The following NXNL2 variants were observed in gnomAD, a reference collection of about 807,000 sequenced individuals.
NXNL2 encodes the protein nucleoredoxin like 2.
NXNL2 carries 7 observed loss-of-function variants against 11.1 expected under a neutral mutation model. The observed-to-expected ratio is 0.63, with a 90% CI of 0.36 to 1.18. The LOEUF is 1.18. NXNL2 is among the 50% of genes most tolerant of loss of function. The pLI, the probability that NXNL2 is intolerant of heterozygous loss-of-function variation, is 0.02. For synonymous variants in NXNL2, 109 were observed against 101.8 expected, an observed-to-expected ratio of 1.07 and a Z score of -0.42; for missense variants, 233 against 217.7, an observed-to-expected ratio of 1.07 and a Z score of -0.44.
At chr9:88,557,675 G>C (rs1830035800) in intron 1 of NXNL2, among the ~76,000 whole-genome samples, 1 of 152,170 alleles carries the variant, frequency 6.6e-6, no homozygotes, top group Non-Finnish European at 1.5e-5. Flanking sequence ...TGGCAACCTT[G>C]GTTTACAATT....
chr9:88,541,228 C>T (rs529759089), intron 1 of NXNL2, among the ~76,000 whole-genome samples: 1 of 149,258 alleles, frequency 6.7e-6, no homozygotes, highest in Non-Finnish European at 1.5e-5. Flanking sequence ...TTTTGATATT[C>T]TTCTGCATTC....
At chr9:88,584,034 C>T (rs1587860292) in exon 2 of NXNL2, 1 of 152,368 alleles carries the variant, frequency 6.6e-6, no homozygotes, top group East Asian at 1.9e-4. Flanking sequence ...GCCACCTTCT[C>T]TCCATGCCTG....
chr9:88,549,021 C>T (rs1829890475), downstream of NXNL2, among the ~76,000 whole-genome samples: 1 of 152,196 alleles, frequency 6.6e-6, no homozygotes. Context: ...CTTGGACTTA[C>T]AGCCTCCAAA....
intron 1 of NXNL2, among the ~76,000 whole-genome samples, chr9:88,565,657 C>A (rs1330763609): frequency 2.0e-5 from 3 of 152,120 alleles, no homozygotes; most frequent in Admixed American, 2.0e-4. Flanking sequence ...CCTGTCTCAG[C>A]CTCCTGAGCA....
At chr9:88,583,476 C>A (rs1367213273) in intron 1 of NXNL2, among the ~76,000 whole-genome samples, 1 of 152,164 alleles carries the variant, frequency 6.6e-6, no homozygotes, top group African/African-American at 2.4e-5. Flanking sequence ...CATCACCCCG[C>A]TGGTCTCTGG....
intron 1 of NXNL2, among the ~76,000 whole-genome samples, chr9:88,555,705 C>T (rs1463254310): frequency 4.6e-5 from 7 of 152,200 alleles, no homozygotes; most frequent in South Asian, 2.1e-4. Context: ...AACCTCTGTC[C>T]GGTGGTGCCT....
intron 1 of NXNL2, among the ~76,000 whole-genome samples, chr9:88,538,786 A>C (rs1829686279): frequency 6.6e-6 from 1 of 152,214 alleles, no homozygotes; most frequent in African/African-American, 2.4e-5. Context: ...GCATTTATCA[A>C]GTACTTATTA....
At chr9:88,561,124 G>T (rs1475315776) in intron 1 of NXNL2, among the ~76,000 whole-genome samples, 1 of 152,132 alleles carries the variant, frequency 6.6e-6, no homozygotes, top group African/African-American at 2.4e-5. Flanking sequence ...TTGAGTCAGT[G>T]GGCTAGGGAA....
chr9:88,549,458 C>T (rs1829896995), downstream of NXNL2, among the ~76,000 whole-genome samples: 2 of 152,124 alleles, frequency 1.3e-5, no homozygotes, highest in Non-Finnish European at 2.9e-5. Flanking sequence ...CCTCCTGAGT[C>T]TGAAAAGCCT....
chr9:88,541,369 TCCTGC>T (rs1829757498), intron 1 of NXNL2, among the ~76,000 whole-genome samples: 1 of 152,106 alleles, frequency 6.6e-6, no homozygotes, highest in African/African-American at 2.4e-5. Flanking sequence ...CAAGCAATCC[TCCTGC>T]CTCAGCCTCC....
downstream of NXNL2, among the ~76,000 whole-genome samples, chr9:88,580,153 C>CT (rs756690090): frequency 2.8e-3 from 353 of 127,752 alleles, no homozygotes; most frequent in South Asian, 9.6e-3. Context: ...AAAAAAAATT[C>CT]TTTTTTTTTT....
rs529858122 is a variant in NXNL2, at chr9:88,535,850, C to A, written c.302+114C>A. 4.0e-4 allele frequency: 320 copies of A among 804,498 alleles called. 1 individual carries two copies. In the African/African-American group the frequency reaches 4.5e-3, roughly 11 times the overall value. 49.8% of individuals were successfully genotyped at this position (804,498 alleles called of 1,614,324 possible). Reference sequence around the variant, plus strand: ...TATGACGCCCCCCCCCAACACCTCCCCGTCTCTCGGTTCACGTCCGGACTC... The same window carrying A: ...TATGACGCCCCCCCCCAACACCTCCACGTCTCTCGGTTCACGTCCGGACTC... On this transcript the variant is annotated intron_variant, in intron 1 of 1. Transcript: ENST00000375854.
chr9:88,580,153 CTTT>C (rs756690090), downstream of NXNL2, among the ~76,000 whole-genome samples: 7 of 127,740 alleles, frequency 5.5e-5, no homozygotes, highest in Admixed American at 1.6e-4. Context: ...AAAAAAAATT[CTTT>C]TTTTTTTTTT....
chr9:88,541,296 C>T (rs1158423403), intron 1 of NXNL2, among the ~76,000 whole-genome samples: 1 of 151,466 alleles, frequency 6.6e-6, no homozygotes, highest in African/African-American at 2.4e-5. Flanking sequence ...GGTCTTGCAC[C>T]GTCATCCAGG....
Position 88,564,211 on chromosome 9 carries a change from GA to G in NXNL2, c.303-6864del, listed in dbSNP as rs1170933893. ...GGGGGACAAGAGCGAAACTCCATTT[GA>G]AAAAAAAAAAAGCCCTTCTCTGATG... On this transcript the variant is annotated intron_variant, in intron 1 of 2. Transcript: ENST00000375855. 5.9e-3 allele frequency among the ~76,000 whole-genome samples: 737 copies of G among 125,736 alleles called. 4 individuals are homozygous for G. Among genetic ancestry groups the G allele is most frequent in the Non-Finnish European group, 6.7e-3 (393 of 58,442 alleles). 82.5% of individuals were successfully genotyped at this position (125,736 alleles called of 152,430 possible).
At chr9:88,578,191 A>G (rs1041870684), downstream of NXNL2, among the ~76,000 whole-genome samples, 3 of 152,222 alleles carry the variant, frequency 2.0e-5, no homozygotes, top group Non-Finnish European at 4.4e-5. Flanking sequence ...CATCACAACC[A>G]AAATAACTGG....
intron 1 of NXNL2, among the ~76,000 whole-genome samples, chr9:88,536,997 A>G (rs1412913292): frequency 1.3e-5 from 2 of 152,258 alleles, no homozygotes; most frequent in Non-Finnish European, 2.9e-5. Flanking sequence ...TTTTGAAAGA[A>G]CGCAGGTTTG....
chr9:88,544,519 C>T lies in NXNL2; in HGVS notation c.443C>T (p.Ala148Val). The T allele has an allele frequency of 2.6e-6, 4 of 1,544,156 alleles. No homozygotes were observed. The highest frequency in any genetic ancestry group is 3.5e-6 in the Non-Finnish European group (4 of 1,143,148). Residue 148 changes from alanine (A) to valine (V), a missense_variant, in exon 2 of 2, where the codon GCC becomes GTC. Coordinates refer to ENST00000375854, the MANE Select transcript of NXNL2 (RefSeq NM_001161625.2). Reference sequence around the variant, plus strand: ...TGCTTCCAGGACTGGGTGGAGGCGGCCGATATCTTCCAGAATTTCTCCGTT... The same window carrying T: ...TGCTTCCAGGACTGGGTGGAGGCGGTCGATATCTTCCAGAATTTCTCCGTT... ...LACFQDWVEA[A>V]DIFQNFSV
Position 88,544,468 on chromosome 9 carries a change from A to G in NXNL2, c.392A>G (p.Lys131Arg). 1 of 1,551,812 alleles carries G rather than the reference A, an allele frequency of 6.4e-7. No individual in the cohort carries two copies. The highest frequency in any genetic ancestry group is 8.7e-7 in the Non-Finnish European group (1 of 1,147,000). Residue 131 changes from lysine (K) to arginine (R), a missense_variant, in exon 2 of 2, where the codon AAG becomes AGG. Lys to Arg is a conservative substitution (Grantham distance 26). Transcript: ENST00000375854. Reference protein sequence around the residue: ...NGEVITNKGRKQIRERGLACF... With the variant: ...NGEVITNKGRRQIRERGLACF... ...GAGGTCATCACCAACAAAGGGCGGAAGCAGATCCGGGAACGGGGGTTGGCC... is the reference window on the plus strand; with the variant it reads ...GAGGTCATCACCAACAAAGGGCGGAGGCAGATCCGGGAACGGGGGTTGGCC...
Sources: gnomAD v4.1 joint callset for allele counts (sites outside exome capture counted in the v4.1 genomes callset) on GRCh38, gnomAD v4.1.1 for gene constraint, MANE v1.5 for transcripts, NCBI Gene and HGNC (gene_info 2026-07-23, HGNC 2026-07-21) for gene names.